Variants in SCARA3 observed in about 807,000 individuals in gnomAD.
The protein encoded by SCARA3 is cellular stress response gene protein.
In SCARA3, 39 loss-of-function variants were observed where a neutral mutation model predicts 47.0. The observed-to-expected ratio is 0.83, with a 90% CI of 0.64 to 1.08. The LOEUF is 1.08. Among genes scored for constraint, SCARA3 ranks in the 50% least tolerant of loss-of-function variants. The pLI, the probability that SCARA3 is intolerant of heterozygous loss-of-function variation, is 0.00. For synonymous variants in SCARA3, 356 were observed against 334.1 expected, an observed-to-expected ratio of 1.07 and a Z score of -0.71; for missense variants, 724 against 792.3, an observed-to-expected ratio of 0.91 and a Z score of 1.04.
chr8:27,674,143 C>A (rs1293095346), downstream of SCARA3, among the ~76,000 whole-genome samples: 2 of 152,174 alleles, frequency 1.3e-5, no homozygotes. Context: ...ATTAATGTGG[C>A]CCTTTGGAGT....
In SCARA3 at chr8:27,669,866, G is replaced by A. The variant is rs34768264; in HGVS notation, c.1370-1034G>A. On this transcript the variant is annotated intron_variant, in intron 5 of 5. Coordinates refer to ENST00000301904, the MANE Select transcript of SCARA3 (RefSeq NM_016240.3). ...TCAGATAGCATCAGCCAGGATGAAG[G>A]GGCCTGTGCCGCAGAACTGGGTACG... Among the ~76,000 whole-genome samples, 229 of 152,348 alleles carry A rather than the reference G, an allele frequency of 1.5e-3. 6 individuals are homozygous for A. In the East Asian group the frequency reaches 0.023, roughly 15 times the overall value.
intron 1 of SCARA3, among the ~76,000 whole-genome samples, chr8:27,636,665 C>T (rs1027445789): frequency 1.3e-5 from 2 of 152,106 alleles, no homozygotes; most frequent in Non-Finnish European, 2.9e-5. Context: ...ATGTGCCGAG[C>T]GGGATTCCTG....
chr8:27,718,233 G>A, the SCARA3 span, among the ~76,000 whole-genome samples: 22,275 of 152,246 alleles, frequency 0.15, 1,729 homozygotes, highest in South Asian at 0.18. Context: ...CTCTGTGCTC[G>A]CAGAGCACTC....
the SCARA3 span, among the ~76,000 whole-genome samples, chr8:27,706,949 G>C: frequency 6.6e-6 from 1 of 152,100 alleles, no homozygotes; most frequent in Non-Finnish European, 1.5e-5. Flanking sequence ...AGGATGGAAA[G>C]CCACCTATCT....
At chr8:27,662,336 T>G (rs551845424) in intron 5 of SCARA3, among the ~76,000 whole-genome samples, 2 of 152,202 alleles carry the variant, frequency 1.3e-5, no homozygotes, top group Admixed American at 6.5e-5. Flanking sequence ...GCCACCTAGC[T>G]GGTGCTGTAA....
chr8:27,655,794 G>C (rs772505534), intron 3 of SCARA3, among the ~76,000 whole-genome samples: 2 of 152,140 alleles, frequency 1.3e-5, no homozygotes, highest in Non-Finnish European at 2.9e-5. Flanking sequence ...TTTATATAGA[G>C]TGCCATGCAG....
the SCARA3 span, among the ~76,000 whole-genome samples, chr8:27,724,195 C>A: frequency 8.5e-5 from 13 of 152,316 alleles, no homozygotes; most frequent in African/African-American, 2.9e-4. Flanking sequence ...AATACAAGTT[C>A]TCAAAGCCTC....
the SCARA3 span, among the ~76,000 whole-genome samples, chr8:27,710,867 G>A: frequency 6.7e-6 from 1 of 149,240 alleles, no homozygotes; most frequent in African/African-American, 2.5e-5. Flanking sequence ...CTGAAAGTTA[G>A]ATCTATAGAT....
chr8:27,704,317 G>A, the SCARA3 span, among the ~76,000 whole-genome samples: 5 of 151,854 alleles, frequency 3.3e-5, no homozygotes, highest in South Asian at 2.1e-4. Flanking sequence ...TTAGTGGCAC[G>A]CATCTGTAGT....
intron 3 of SCARA3, 74 bp from the exon 4 acceptor site, chr8:27,656,708 T>A: frequency 1.1e-6 from 1 of 904,904 alleles, no homozygotes; most frequent in Non-Finnish European, 1.9e-6. Flanking sequence ...CTGATAAAGA[T>A]GCCTTCTCAA....
chr8:27,714,370 T>C, the SCARA3 span, among the ~76,000 whole-genome samples: 1 of 151,822 alleles, frequency 6.6e-6, no homozygotes, highest in East Asian at 1.9e-4. Flanking sequence ...AACTTTTGTA[T>C]TTTTAGTAGA....
the SCARA3 span, among the ~76,000 whole-genome samples, chr8:27,715,837 GATAGATAGATAGATAGATAGATAGATAC>G: frequency 5.2e-4 from 53 of 101,520 alleles, no homozygotes; most frequent in Admixed American, 3.5e-3. This position sits in a 1 kb window ranked among gnomAD's most constrained non-coding sequence, Gnocchi z 4.2. Flanking sequence ...TAGATAGATA[GATAGATAGATAGATAGATAGATAGATAC>G]ATAGATAGAT....
At position 27,671,658 on chromosome 8, in the gene SCARA3, G is replaced by GCA. The variant is rs5890376; in HGVS notation, c.*316_*317dup. On this transcript the variant is annotated 3_prime_UTR_variant, in exon 6 of 6. Transcript: ENST00000301904. Reference sequence around the variant, plus strand: ...TACATGCATGCACACACACATGCACGCACACACACATGCACACATACACGT... The same window carrying GCA: ...TACATGCATGCACACACACATGCACGCACACACACACATGCACACATACACGT... The GCA allele has an allele frequency of 2.7e-6, 3 of 1,116,500 alleles. No individual in the cohort carries two copies. Among genetic ancestry groups the GCA allele is most frequent in the Non-Finnish European group, 2.2e-6 (2 of 913,626 alleles). 69.2% of individuals were successfully genotyped at this position (1,116,500 alleles called of 1,614,324 possible).
chr8:27,717,509 G>C, the SCARA3 span, among the ~76,000 whole-genome samples: 1 of 152,128 alleles, frequency 6.6e-6, no homozygotes, highest in African/African-American at 2.4e-5. Flanking sequence ...AATAGACCAG[G>C]CTCAGTGGCC....
At chr8:27,729,466 G>C in the SCARA3 span, among the ~76,000 whole-genome samples, 1 of 152,160 alleles carries the variant, frequency 6.6e-6, no homozygotes, top group East Asian at 1.9e-4. Flanking sequence ...GAGGCCCAGG[G>C]AGGACAAGTC....
the SCARA3 span, among the ~76,000 whole-genome samples, chr8:27,724,107 T>C: frequency 6.6e-6 from 1 of 152,320 alleles, no homozygotes. Flanking sequence ...TGACTTGCCA[T>C]CAATCACAGG....
At chr8:27,666,772 G>T (rs1344466722) in intron 5 of SCARA3, among the ~76,000 whole-genome samples, 1 of 152,018 alleles carries the variant, frequency 6.6e-6, no homozygotes, top group South Asian at 2.1e-4. Context: ...CCCTCCCATG[G>T]GTGGGCAGTG....
downstream of SCARA3, among the ~76,000 whole-genome samples, chr8:27,677,727 C>T (rs1337628879): frequency 6.6e-6 from 1 of 152,166 alleles, no homozygotes; most frequent in African/African-American, 2.4e-5. Flanking sequence ...AAAAACACTG[C>T]ACCAGCTGTG....
the SCARA3 span, among the ~76,000 whole-genome samples, chr8:27,691,541 C>T: frequency 2.6e-5 from 4 of 152,042 alleles, no homozygotes; most frequent in Admixed American, 2.0e-4. Flanking sequence ...GCTGCTTGCA[C>T]CCAGTGAACC....
Sources: allele counts gnomAD v4.1 joint callset (sites outside exome capture counted in the v4.1 genomes callset), GRCh38; gene constraint gnomAD v4.1.1; non-coding constraint Gnocchi (gnomAD v3.1); transcripts MANE v1.5; gene names NCBI Gene and HGNC (gene_info 2026-07-23, HGNC 2026-07-21).